Variants in CDH13 observed in about 807,000 individuals in gnomAD.
The protein encoded by CDH13 is cadherin-13.
Under a neutral mutation model 63.8 loss-of-function variants are expected in CDH13, and 24 were observed. That is an observed-to-expected ratio of 0.38 (90% CI 0.27 to 0.53). The LOEUF is 0.53. CDH13 is among the 20% of genes least tolerant of loss of function. The pLI, the probability that CDH13 is intolerant of heterozygous loss-of-function variation, is 0.85. For synonymous variants in CDH13, 503 were observed against 355.3 expected (o/e 1.42, Z -4.67); for missense variants, 1,049 against 903.1 (o/e 1.16, Z -2.07).
At chr16:83,595,520 C>T (rs1411875079) in intron 7 of CDH13, among the ~76,000 whole-genome samples, 1 of 152,140 alleles carries the variant, frequency 6.6e-6, no homozygotes, top group Non-Finnish European at 1.5e-5. Context: ...TCATAAGCAG[C>T]CCTTAAACCT....
chr16:83,002,205 A>G (rs1716131593), intron 2 of CDH13, among the ~76,000 whole-genome samples: 1 of 152,218 alleles, frequency 6.6e-6, no homozygotes, highest in South Asian at 2.1e-4. Context: ...TCTGATAATG[A>G]GAGGAGCCTG....
chr16:82,858,430 C>G lies in CDH13; in HGVS notation c.114C>G (p.Ile38Met). The G allele has an allele frequency of 6.2e-7, 1 of 1,613,612 alleles. No individual in the cohort carries two copies. The highest frequency in any genetic ancestry group is 8.5e-7 in the Non-Finnish European group (1 of 1,179,516). Residue 38 changes from isoleucine to methionine, a missense_variant, in exon 2 of 14, where the codon ATC (isoleucine) becomes ATG (methionine). Transcript: ENST00000567109. Reference sequence around the variant, plus strand: ...GATTTCAGCAGAAAGTGTTCCATATCAATCAGCCAGCTGAATTCATTGAGG... The same window carrying G: ...GATTTCAGCAGAAAGTGTTCCATATGAATCAGCCAGCTGAATTCATTGAGG... ...TPGFQQKVFH[I>M]NQPAEFIEDQ...
Position 83,646,813 on chromosome 16 carries a change from C to T in CDH13, c.1102-23977C>T, listed in dbSNP as rs752570346. On this transcript the variant is annotated intron_variant, in intron 8 of 13. Coordinates refer to ENST00000567109, the MANE Select transcript of CDH13 (RefSeq NM_001257.5). Reference sequence around the variant, plus strand: ...CCATCCTACAGCCTGTTCCAGTAACCGCAGAGCCATGAGACCTGGTCTGAT... The same window carrying T: ...CCATCCTACAGCCTGTTCCAGTAACTGCAGAGCCATGAGACCTGGTCTGAT... 6.6e-5 allele frequency among the ~76,000 whole-genome samples: 10 copies of T among 151,584 alleles called. No homozygotes were observed. The East Asian group carries it at 9.7e-4, about 15-fold the overall frequency.
intron 11 of CDH13, among the ~76,000 whole-genome samples, chr16:83,767,094 G>T (rs1914440925): frequency 6.6e-6 from 1 of 152,154 alleles, no homozygotes; most frequent in Admixed American, 6.5e-5. Flanking sequence ...ATCTCACTGT[G>T]GCAAGACCAG....
intron 10 of CDH13, among the ~76,000 whole-genome samples, chr16:83,688,195 A>G (rs1223569472): frequency 2.6e-5 from 4 of 152,236 alleles, no homozygotes; most frequent in Admixed American, 6.5e-5. Context: ...ATCACAAAAA[A>G]TGTTGGGAAA....
chr16:83,416,740 C>T (rs933535681), intron 6 of CDH13, among the ~76,000 whole-genome samples: 1 of 152,124 alleles, frequency 6.6e-6, no homozygotes, highest in East Asian at 1.9e-4. Context: ...TGAATAAAAG[C>T]ACAAATGCTG....
At chr16:83,469,053 G>A (rs374948450) in intron 6 of CDH13, among the ~76,000 whole-genome samples, 7 of 152,166 alleles carry the variant, frequency 4.6e-5, no homozygotes, top group African/African-American at 1.4e-4. Context: ...TCTCTGCTGA[G>A]GTCAGACTTT....
chr16:82,773,876 C>A (rs372176739), intron 1 of CDH13, among the ~76,000 whole-genome samples: 1 of 151,850 alleles, frequency 6.6e-6, no homozygotes, highest in Non-Finnish European at 1.5e-5. Context: ...CTCCGCCTCC[C>A]GGGTTCAAGC....
intron 4 of CDH13, among the ~76,000 whole-genome samples, chr16:83,137,236 C>T (rs547714102): frequency 3.3e-5 from 5 of 152,262 alleles, no homozygotes; most frequent in Admixed American, 2.6e-4. Flanking sequence ...GTAACTTGTC[C>T]AACTTCATGC....
intron 2 of CDH13, among the ~76,000 whole-genome samples, chr16:82,933,071 G>A (rs2042550205): frequency 6.6e-6 from 1 of 151,992 alleles, no homozygotes. Context: ...GAATCTTTAG[G>A]AAGGCTGAAT....
rs540767444 is a variant in CDH13, at chr16:83,647,512, A to G, written c.1102-23278A>G. ...GAAACACTCCCTTCCTACAACATAA[A>G]TGTGTGTATGTGTGTGCATGCATGC... On this transcript the variant is annotated intron_variant, in intron 8 of 13. Coordinates refer to ENST00000567109, the MANE Select transcript of CDH13 (RefSeq NM_001257.5). 8.3e-4 allele frequency among the ~76,000 whole-genome samples: 126 copies of G among 152,098 alleles called. 1 individual carries two copies. The highest frequency in any genetic ancestry group is 2.9e-3 in the African/African-American group (119 of 41,492).
At position 82,931,513 on chromosome 16, in the gene CDH13, C is replaced by CTTTTT. The variant is rs11442675; in HGVS notation, c.157+73050_157+73054dup. On this transcript the variant is annotated intron_variant, in intron 2 of 13. Transcript: ENST00000567109. ...TAGAATTGGACCTTGAGGTCCCCCC[C>CTTTTT]TTTTTTTTTTTTTTGATGTTTGTTA... is the stretch of plus-strand genomic sequence containing the variant. Among the ~76,000 whole-genome samples the CTTTTT allele has an allele frequency of 5.2e-3, 750 of 144,372 alleles. 11 individuals carry two copies. Among genetic ancestry groups the CTTTTT allele is most frequent in the African/African-American group, 0.018 (721 of 39,274 alleles). The allele number at this position is 144,372 out of a possible 152,430, so 94.7% of individuals were successfully genotyped here.
chr16:83,491,895 G>T lies in CDH13; in HGVS notation c.960+5240G>T, dbSNP rs2325957. Among the ~76,000 whole-genome samples the T allele has an allele frequency of 8.3e-4, 127 of 152,220 alleles. 3 individuals are homozygous for T. The East Asian group carries it at 0.02, about 24-fold the overall frequency. The stretch of plus-strand genomic sequence containing the variant: ...TTTAGGCCAGATGTAAAAATGGAGA[G>T]AATTTCTTTCTTTCTTTCCATGGTA... On this transcript the variant is annotated intron_variant, in intron 7 of 13. Transcript: ENST00000567109.
chr16:83,047,748 T>C lies in CDH13; in HGVS notation c.366+15530T>C, dbSNP rs756104382. Among the ~76,000 whole-genome samples, 2 of 152,238 alleles carry C rather than the reference T, an allele frequency of 1.3e-5. No individual in the cohort carries two copies. Among genetic ancestry groups the C allele is most frequent in the Admixed American group, 6.5e-5 (1 of 15,284 alleles). ...GAGACAGAATGAATATTGATATTAA[T>C]AATGCAGATCGTAGTCAATTTATTT... On this transcript the variant is annotated intron_variant, in intron 3 of 13. Coordinates refer to ENST00000567109, the MANE Select transcript of CDH13 (RefSeq NM_001257.5). The surrounding 1 kb of genome is among the most constrained non-coding windows in gnomAD (Gnocchi z 4.9).
chr16:83,031,541 G>C (rs1222482897), intron 2 of CDH13, among the ~76,000 whole-genome samples: 2 of 151,564 alleles, frequency 1.3e-5, no homozygotes, highest in African/African-American at 4.8e-5. Flanking sequence ...TCATCCCTGT[G>C]CCTTTGAATA....
At chr16:83,599,673 G>T (rs1010918304) in intron 7 of CDH13, among the ~76,000 whole-genome samples, 4 of 152,084 alleles carry the variant, frequency 2.6e-5, no homozygotes, top group African/African-American at 7.2e-5. Context: ...TGATTATATT[G>T]TAGGCAACCC....
intron 2 of CDH13, among the ~76,000 whole-genome samples, chr16:82,949,861 A>G (rs1905110869): frequency 6.6e-6 from 1 of 152,132 alleles, no homozygotes; most frequent in Non-Finnish European, 1.5e-5. Flanking sequence ...GATAAAAGCC[A>G]GGATCCTGAG....
At chr16:82,759,918 G>A (rs2034768469) in intron 1 of CDH13, among the ~76,000 whole-genome samples, 1 of 151,942 alleles carries the variant, frequency 6.6e-6, no homozygotes, top group Admixed American at 6.6e-5. Context: ...ATTTTTTAAA[G>A]GGAAAGCCTT....
chr16:83,104,127 C>G (rs1359004910), intron 3 of CDH13, among the ~76,000 whole-genome samples: 2 of 152,156 alleles, frequency 1.3e-5, no homozygotes, highest in Non-Finnish European at 2.9e-5. Context: ...ATTTATAACA[C>G]TCTCTTCTCT....
Sources: allele counts gnomAD v4.1 joint callset (sites outside exome capture counted in the v4.1 genomes callset), GRCh38; gene constraint gnomAD v4.1.1; non-coding constraint Gnocchi (gnomAD v3.1); transcripts MANE v1.5; gene names NCBI Gene and HGNC (gene_info 2026-07-23, HGNC 2026-07-21).